Variants in MTA3 observed in about 807,000 individuals in gnomAD.
MTA3 encodes metastasis-associated protein MTA3.
Under a neutral mutation model 83.5 loss-of-function variants are expected in MTA3, and 34 were observed. The observed-to-expected ratio is 0.41, with a 90% CI of 0.31 to 0.54. The LOEUF (loss-of-function observed/expected upper bound fraction) is 0.54. Among genes scored for constraint, MTA3 ranks in the 20% least tolerant of loss-of-function variants. MTA3 has a pLI of 0.33. For missense variants in MTA3, 761 were observed against 726.4 expected (o/e 1.05, Z -0.55); for synonymous variants, 303 against 252.7 (o/e 1.20, Z -1.89).
intron 2 of MTA3, among the ~76,000 whole-genome samples, chr2:42,573,266 A>AC (rs1400460216): frequency 6.6e-6 from 1 of 152,144 alleles, no homozygotes; most frequent in Non-Finnish European, 1.5e-5. Flanking sequence ...GGCAAGCCTG[A>AC]CCTAGGACAT....
At chr2:42,675,143 TTTC>T (rs1307197914) in intron 8 of MTA3, among the ~76,000 whole-genome samples, 2 of 151,988 alleles carry the variant, frequency 1.3e-5, no homozygotes, top group Non-Finnish European at 2.9e-5. Context: ...TCTTTTCTTT[TTTC>T]TTTTTTTTGA....
chr2:42,543,573 A>G (rs1676618849), intron 2 of MTA3, among the ~76,000 whole-genome samples: 1 of 151,184 alleles, frequency 6.6e-6, no homozygotes, highest in Non-Finnish European at 1.5e-5. Context: ...ACAGCCTGGA[A>G]CTCCTGGACT....
chr2:42,585,945 A>G (rs1354806940), intron 3 of MTA3, among the ~76,000 whole-genome samples: 4 of 152,150 alleles, frequency 2.6e-5, no homozygotes, highest in Non-Finnish European at 5.9e-5. Flanking sequence ...TCTCTTTAAA[A>G]AAAAATAAAT....
chr2:42,573,020 G>A (rs758072854), intron 2 of MTA3, among the ~76,000 whole-genome samples: 52 of 152,012 alleles, frequency 3.4e-4, no homozygotes, highest in Non-Finnish European at 5.3e-4. Context: ...GGGCCACTGC[G>A]CCTGGCCAGG....
rs1331661372 is a variant in MTA3 at position 42,568,741 on chromosome 2, C to A, written c.-5C>A. The stretch of plus-strand genomic sequence containing the variant: ...GGCTCGGGCTCCGCGGGCGGGCGGG[C>A]GGACATGGCGGCCAACATGTACCGG... On this transcript the variant is annotated 5_prime_UTR_variant, in exon 1 of 17. Transcript: ENST00000405094. 4.1e-6 allele frequency: 5 copies of A among 1,216,910 alleles called. No homozygotes were observed. In the African/African-American group the frequency reaches 7.9e-5, roughly 19 times the overall value. The allele number at this position is 1,216,910 out of a possible 1,614,324, so 75.4% of individuals were successfully genotyped here.
chr2:42,687,182 C>T (rs1385272098), intron 9 of MTA3, among the ~76,000 whole-genome samples: 1 of 152,268 alleles, frequency 6.6e-6, no homozygotes, highest in African/African-American at 2.4e-5. Context: ...TTCATCACCT[C>T]TCCCGTCAAG....
chr2:42,575,156 C>T (rs1052091665), intron 2 of MTA3, among the ~76,000 whole-genome samples: 1 of 152,216 alleles, frequency 6.6e-6, no homozygotes, highest in African/African-American at 2.4e-5. Context: ...GCACAAAGCA[C>T]AATGGGCTTT....
At chr2:42,529,744 C>G (rs1011378594) in intron 2 of MTA3, among the ~76,000 whole-genome samples, 3 of 152,190 alleles carry the variant, frequency 2.0e-5, no homozygotes, top group Non-Finnish European at 4.4e-5. Context: ...TGCCCTACAA[C>G]TGAAGTTGTT....
At chr2:42,708,853 T>G (rs752391229) in intron 13 of MTA3, 21 bp from the exon 14 acceptor site, 2 of 1,613,038 alleles carry the variant, frequency 1.2e-6, no homozygotes, top group Admixed American at 3.3e-5. Flanking sequence ...CTTGAGTGTT[T>G]GTTGTTTTCT....
intron 2 of MTA3, among the ~76,000 whole-genome samples, chr2:42,540,959 G>A (rs985367534): frequency 1.3e-5 from 2 of 151,846 alleles, no homozygotes; most frequent in South Asian, 4.2e-4. Context: ...GACTTATGAT[G>A]GTTCAACTTA....
intron 12 of MTA3, among the ~76,000 whole-genome samples, chr2:42,705,988 C>G (rs1484630787): frequency 1.3e-5 from 2 of 152,004 alleles, no homozygotes; most frequent in African/African-American, 4.8e-5. Flanking sequence ...CATTTATTGA[C>G]AATTATTAAA....
chr2:42,747,631 G>T (rs1245950455), intron 16 of MTA3, among the ~76,000 whole-genome samples: 1 of 151,414 alleles, frequency 6.6e-6, no homozygotes, highest in Admixed American at 6.6e-5. Flanking sequence ...CATAGTGCTT[G>T]TTACACTGTT....
At chr2:42,603,743 C>T (rs912877653) in intron 3 of MTA3, among the ~76,000 whole-genome samples, 1 of 152,152 alleles carries the variant, frequency 6.6e-6, no homozygotes, top group African/African-American at 2.4e-5. Context: ...ATGAGGTCAA[C>T]ACAATTTTCT....
chr2:42,658,234 G>GT (rs1406250949), intron 7 of MTA3, among the ~76,000 whole-genome samples: 1 of 152,158 alleles, frequency 6.6e-6, no homozygotes, highest in Non-Finnish European at 1.5e-5. Flanking sequence ...CTGCTGGTGA[G>GT]TGTGTAAATT....
At chr2:42,616,016 G>A (rs373655360) in intron 4 of MTA3, among the ~76,000 whole-genome samples, 1 of 144,178 alleles carries the variant, frequency 6.9e-6, no homozygotes, top group Admixed American at 6.9e-5. Flanking sequence ...CACCGTGCCC[G>A]GCCGTACAGG....
At chr2:42,563,678 G>A (rs1677766427), upstream of MTA3, among the ~76,000 whole-genome samples, 1 of 151,914 alleles carries the variant, frequency 6.6e-6, no homozygotes, top group South Asian at 2.1e-4. Flanking sequence ...ATGTTAGCCA[G>A]GACGGTCTCG....
chr2:42,519,325 G>C (rs1675303230), intron 2 of MTA3, among the ~76,000 whole-genome samples: 1 of 152,152 alleles, frequency 6.6e-6, no homozygotes, highest in South Asian at 2.1e-4. Context: ...CAAGGAAAGA[G>C]CCAGGCGCAG....
chr2:42,585,724 T>G (rs1291794771), intron 3 of MTA3, among the ~76,000 whole-genome samples: 2 of 152,000 alleles, frequency 1.3e-5, no homozygotes, highest in African/African-American at 4.8e-5. Context: ...TCCACCTGCC[T>G]TGGCCTCCCA....
Position 42,543,801 on chromosome 2 carries a change from A to T in MTA3, c.-140-26636A>T, listed in dbSNP as rs1474824014. 4.6e-5 allele frequency among the ~76,000 whole-genome samples: 7 copies of T among 151,898 alleles called. No homozygotes were observed. The East Asian group carries it at 1.2e-3, about 25-fold the overall frequency. Reference sequence around the variant, plus strand: ...ATGCCTGGTCTTTAAGCAACATTTTAAAAAATTATGTATCTAACATATACA... The same window carrying T: ...ATGCCTGGTCTTTAAGCAACATTTTTAAAAATTATGTATCTAACATATACA... On this transcript the variant is annotated intron_variant, in intron 2 of 17. Transcript: ENST00000405592.
Sources: allele counts gnomAD v4.1 joint callset (sites outside exome capture counted in the v4.1 genomes callset), GRCh38; gene constraint gnomAD v4.1.1; transcripts MANE v1.5; gene names NCBI Gene and HGNC (gene_info 2026-07-23, HGNC 2026-07-21).